TAFA4: variants seen among roughly 807,000 people sequenced by gnomAD.
TAFA4 encodes chemokine-like protein TAFA-4.
A neutral mutation model predicts 21.1 loss-of-function variants in TAFA4; 20 were observed. The ratio of observed to expected loss-of-function variants is 0.95; its 90% CI spans 0.67 to 1.38. TAFA4 has a LOEUF of 1.38. Ranked by LOEUF, TAFA4 falls within the 40% of genes most tolerant of loss-of-function variation. TAFA4 has a pLI of 0.00. For missense variants in TAFA4, 211 were observed against 180.9 expected (o/e 1.17, Z -0.95); for synonymous variants, 71 against 67.4 (o/e 1.05, Z -0.26).
intron 3 of TAFA4, among the ~76,000 whole-genome samples, chr3:68,812,679 T>C (rs1438888246): frequency 2.0e-5 from 3 of 152,094 alleles, no homozygotes; most frequent in African/African-American, 4.8e-5. Context: ...ATAAAGCAAG[T>C]CCTTAGAGAC....
intron 3 of TAFA4, among the ~76,000 whole-genome samples, chr3:68,863,451 T>A (rs2089377049): frequency 6.6e-6 from 1 of 152,132 alleles, no homozygotes; most frequent in African/African-American, 2.4e-5. Context: ...CAAGAGACAC[T>A]TTATCCAATC....
At chr3:68,861,174 CG>C (rs1052426798) in intron 3 of TAFA4, among the ~76,000 whole-genome samples, 1 of 151,596 alleles carries the variant, frequency 6.6e-6, no homozygotes, top group Non-Finnish European at 1.5e-5. Context: ...GTCTTTCTCT[CG>C]GGGGTAGTGG....
chr3:68,839,763 G>A (rs1039894794), intron 3 of TAFA4, among the ~76,000 whole-genome samples: 1 of 152,192 alleles, frequency 6.6e-6, no homozygotes, highest in African/African-American at 2.4e-5. Flanking sequence ...CAAAGGAGGT[G>A]CTGGGTCTCT....
chr3:68,863,529 AAGTCTAT>A (rs2089378047), intron 3 of TAFA4, among the ~76,000 whole-genome samples: 1 of 152,150 alleles, frequency 6.6e-6, no homozygotes. Context: ...TAATAGTCCA[AAGTCTAT>A]AGGCTGTGAA....
chr3:68,815,397 T>A (rs1315931292), intron 3 of TAFA4, among the ~76,000 whole-genome samples: 1 of 151,924 alleles, frequency 6.6e-6, no homozygotes, highest in Non-Finnish European at 1.5e-5. Context: ...TGGGAGAAAA[T>A]TTTTGCAATC....
chr3:68,812,893 C>T (rs1394184361), intron 3 of TAFA4, among the ~76,000 whole-genome samples: 1 of 152,118 alleles, frequency 6.6e-6, no homozygotes, highest in Non-Finnish European at 1.5e-5. Context: ...CACCACACCA[C>T]ACCTATTCCA....
At chr3:68,808,877 A>G (rs1480413330) in intron 3 of TAFA4, among the ~76,000 whole-genome samples, 1 of 152,198 alleles carries the variant, frequency 6.6e-6, no homozygotes, top group African/African-American at 2.4e-5. Context: ...TCCTCATTCT[A>G]GTACACAAAT....
chr3:68,833,418 A>T (rs1704447554), intron 3 of TAFA4, among the ~76,000 whole-genome samples: 1 of 152,238 alleles, frequency 6.6e-6, no homozygotes, highest in African/African-American at 2.4e-5. Context: ...CAGAGTCTAG[A>T]ATCTTCCATG....
At chr3:68,931,519 T>A (rs1464248963) in intron 1 of TAFA4, among the ~76,000 whole-genome samples, 2 of 152,092 alleles carry the variant, frequency 1.3e-5, no homozygotes, top group Admixed American at 6.5e-5. Flanking sequence ...CCGAGCTCCT[T>A]GCGTAGGGTC....
chr3:68,925,831 G>T (rs907000043), intron 1 of TAFA4, among the ~76,000 whole-genome samples: 1 of 152,130 alleles, frequency 6.6e-6, no homozygotes, highest in South Asian at 2.1e-4. Context: ...AAGGAATGTC[G>T]GCCTCCTTCC....
intron 1 of TAFA4, among the ~76,000 whole-genome samples, chr3:68,919,208 G>A (rs991226249): frequency 1.3e-5 from 2 of 152,212 alleles, no homozygotes; most frequent in South Asian, 4.1e-4. Context: ...GTTAATGGCT[G>A]TATTTACATA....
At chr3:68,889,761 G>T (rs2089712415) in intron 1 of TAFA4, among the ~76,000 whole-genome samples, 1 of 152,134 alleles carries the variant, frequency 6.6e-6, no homozygotes, top group Non-Finnish European at 1.5e-5. Context: ...TTCCTAAATA[G>T]TATCAAGGTC....
chr3:68,907,605 T>A (rs902959982), intron 1 of TAFA4, among the ~76,000 whole-genome samples: 3 of 152,140 alleles, frequency 2.0e-5, no homozygotes, highest in Non-Finnish European at 4.4e-5. Context: ...ATAGAGGAGA[T>A]GCTTTCCATA....
At chr3:68,817,377 A>C (rs1704006511) in intron 3 of TAFA4, among the ~76,000 whole-genome samples, 1 of 152,172 alleles carries the variant, frequency 6.6e-6, no homozygotes, top group Admixed American at 6.6e-5. Flanking sequence ...CCTCCACAGA[A>C]GTCTCAAATT....
chr3:68,784,421 G>A lies in TAFA4; in HGVS notation c.131-31403C>T, dbSNP rs1703210523. 3.3e-5 allele frequency among the ~76,000 whole-genome samples: 5 copies of A among 152,220 alleles called. No homozygotes were observed. The South Asian group carries it at 8.3e-4, about 25-fold the overall frequency. On this transcript the variant is annotated intron_variant, in intron 3 of 5. Transcript: ENST00000295569. Reference sequence around the variant, plus strand: ...GATGTGTTTGGAGTTTCTTCCTTCTGGTGGGTTCACGGTCTCGCTGGCTCA... The same window carrying A: ...GATGTGTTTGGAGTTTCTTCCTTCTAGTGGGTTCACGGTCTCGCTGGCTCA...
At chr3:68,760,639 C>T (rs776523677) in intron 3 of TAFA4, among the ~76,000 whole-genome samples, 11 of 152,166 alleles carry the variant, frequency 7.2e-5, no homozygotes, top group Non-Finnish European at 1.5e-5. Flanking sequence ...TATCTCTCCA[C>T]GGGAGCAGAA....
At chr3:68,871,162 T>C (rs1212966473) in intron 3 of TAFA4, among the ~76,000 whole-genome samples, 2 of 152,054 alleles carry the variant, frequency 1.3e-5, no homozygotes, top group African/African-American at 4.8e-5. Context: ...TCCTCAAGGA[T>C]CTAGAACCAG....
chr3:68,779,138 T>G (rs1374132437), intron 3 of TAFA4, among the ~76,000 whole-genome samples: 1 of 152,158 alleles, frequency 6.6e-6, no homozygotes, highest in East Asian at 1.9e-4. Context: ...GCCCTAGAAA[T>G]TTGTGGAACT....
At chr3:68,778,871 T>G (rs931630963) in intron 3 of TAFA4, among the ~76,000 whole-genome samples, 1 of 152,090 alleles carries the variant, frequency 6.6e-6, no homozygotes, top group Non-Finnish European at 1.5e-5. Context: ...TACCCAAAAA[T>G]GTGGAAGTGA....
Sources: allele counts gnomAD v4.1 joint callset (sites outside exome capture counted in the v4.1 genomes callset), GRCh38; gene constraint gnomAD v4.1.1; transcripts MANE v1.5; gene names NCBI Gene and HGNC (gene_info 2026-07-23, HGNC 2026-07-21).